Variants in PREX2 observed in about 807,000 individuals in gnomAD.
PREX2 encodes phosphatidylinositol 3,4,5-trisphosphate-dependent Rac exchanger 2 protein.
In PREX2, 107 loss-of-function variants were observed where a neutral mutation model predicts 203.2. The observed-to-expected ratio is 0.53, with a 90% CI of 0.45 to 0.62. PREX2 has a LOEUF of 0.62. Among genes scored for constraint, PREX2 ranks in the 20% least tolerant of loss-of-function variants. The probability of loss-of-function intolerance (pLI) is 0.00; values close to 1 mark genes in which losing one functional copy is unlikely to be tolerated. For missense variants in PREX2, 1,777 were observed against 1,955.9 expected (o/e 0.91, Z 1.72); for synonymous variants, 672 against 663.6 (o/e 1.01, Z -0.19).
At chr8:68,077,861 A>G (rs1426155690) in intron 15 of PREX2, among the ~76,000 whole-genome samples, 1 of 152,220 alleles carries the variant, frequency 6.6e-6, no homozygotes, top group Non-Finnish European at 1.5e-5. Context: ...ATGACAGCAT[A>G]TGTGGTTGAC....
intron 10 of PREX2, among the ~76,000 whole-genome samples, chr8:68,057,741 C>T (rs1044072371): frequency 2.0e-4 from 30 of 152,164 alleles, no homozygotes; most frequent in African/African-American, 7.2e-4. Flanking sequence ...TTATGGCTTC[C>T]CAGTAGGTTT....
intron 17 of PREX2, chr8:68,082,220 CT>C (rs978231086): frequency 6.6e-6 from 1 of 152,128 alleles, no homozygotes; most frequent in African/African-American, 2.4e-5. Flanking sequence ...CTTGGTGCCC[CT>C]GGTTGGAAGA....
At position 68,022,074 on chromosome 8, in the gene PREX2, C is replaced by T; in HGVS notation, c.375C>T (p.Asn125=). 6.4e-7 allele frequency: 1 copy of T among 1,565,676 alleles called. No individual in the cohort carries two copies. The highest frequency in any genetic ancestry group is 2.2e-5 in the East Asian group (1 of 44,620). Residue 125 remains asparagine (N), a synonymous_variant, in exon 4 of 40, where the codon AAC becomes AAT. Coordinates refer to ENST00000288368, the MANE Select transcript of PREX2 (RefSeq NM_024870.4). ...GTATCTATGATGAATATTGTAGTAA[C>T]CATGAGAAGGCACAAAAATTACTTC... ...KFRIYDEYCS[N]HEKAQKLLLE...
At chr8:68,158,095 ATGTGTATATATATG>A (rs1488233207) in intron 35 of PREX2, among the ~76,000 whole-genome samples, 4 of 89,412 alleles carry the variant, frequency 4.5e-5, no homozygotes, top group African/African-American at 9.3e-5. Context: ...TCACATATAT[ATGTGTATATATATG>A]TGTGTATATA....
rs1307078664 is a variant in PREX2 at position 68,109,525 on chromosome 8, A to G, written c.3048A>G (p.Lys1016=). 1 of 1,614,084 alleles carries G rather than the reference A, an allele frequency of 6.2e-7. No individual in the cohort carries two copies. Residue 1016 remains lysine, a synonymous_variant, in exon 25 of 40, where the codon AAA becomes AAG. Coordinates refer to ENST00000288368, the MANE Select transcript of PREX2 (RefSeq NM_024870.4). ...QDGHGLRYLL[K]EEDLETQDIY... ...GCCATGGTCTCAGGTATCTGCTAAA[A>G]GAAGAAGACTTAGAAACCCAAGACA...
chr8:68,039,788 T>C (rs1808140380), intron 7 of PREX2, among the ~76,000 whole-genome samples: 2 of 152,158 alleles, frequency 1.3e-5, no homozygotes, highest in South Asian at 2.1e-4. Flanking sequence ...TGCATCTGCA[T>C]TGAAAACTTA....
intron 19 of PREX2, among the ~76,000 whole-genome samples, chr8:68,089,233 ATT>A (rs4009127): frequency 0.46 from 69,975 of 151,048 alleles, 16,645 homozygotes; most frequent in African/African-American, 0.56. Context: ...TGTCATGGTT[ATT>A]GAATTAGTGT....
rs141170353 is a variant in PREX2, at chr8:68,075,216, G to A, written c.1570-2181G>A. Among the ~76,000 whole-genome samples, 723 of 152,232 alleles carry A rather than the reference G, an allele frequency of 4.7e-3. 5 individuals are homozygous for A. Among genetic ancestry groups the A allele is most frequent in the African/African-American group, 0.017 (694 of 41,540 alleles). On this transcript the variant is annotated intron_variant, in intron 14 of 39. Coordinates refer to ENST00000288368, the MANE Select transcript of PREX2 (RefSeq NM_024870.4). Reference sequence around the variant, plus strand: ...AGCATAGGAAACCCAGAACATGTTAGGCTATGTTTTTTACACCATTATGTT... The same window carrying A: ...AGCATAGGAAACCCAGAACATGTTAAGCTATGTTTTTTACACCATTATGTT...
At chr8:68,188,446 A>T (rs1289322335) in intron 35 of PREX2, among the ~76,000 whole-genome samples, 3 of 152,240 alleles carry the variant, frequency 2.0e-5, no homozygotes, top group African/African-American at 7.2e-5. Flanking sequence ...TCCCCAGAAG[A>T]TTTAATAGAT....
chr8:68,138,461 A>G lies in PREX2; in HGVS notation c.4031A>G (p.Asp1344Gly). The G allele has an allele frequency of 6.2e-7, 1 of 1,606,734 alleles. No homozygotes were observed. Among genetic ancestry groups the G allele is most frequent in the Non-Finnish European group, 8.5e-7 (1 of 1,176,050 alleles). ...MLEDTLVALFDLEKVSFYFKP... is the reference protein window; with the variant it reads ...MLEDTLVALFGLEKVSFYFKP... ...GAAGATACACTGGTTGCACTATTTG[A>G]TTTGGAAAAGGTTTCCTTTTACTTT... is the stretch of plus-strand genomic sequence containing the variant. The change falls in exon 33 of 40, where the codon GAT becomes GGT. Residue 1344 changes from aspartate to glycine, a missense_variant. Transcript: ENST00000288368.
intron 14 of PREX2, among the ~76,000 whole-genome samples, chr8:68,076,685 T>TCA (rs57701553): frequency 0.045 from 6,443 of 143,652 alleles, 176 homozygotes; most frequent in African/African-American, 0.082. Flanking sequence ...AACTCTAAGG[T>TCA]CACACACACA....
chr8:68,120,335 G>T (rs374053636), intron 29 of PREX2, 49 bp downstream of exon 29: 1 of 1,285,248 alleles, frequency 7.8e-7, no homozygotes, highest in Non-Finnish European at 1.1e-6. Context: ...AAAACAAGGT[G>T]GTAGACAATA....
rs1314932114 is a variant in PREX2, at chr8:68,232,746, G to A, written c.*1368G>A. 2 of 152,036 alleles carry A rather than the reference G, an allele frequency of 1.3e-5. No individual in the cohort carries two copies. Among genetic ancestry groups the A allele is most frequent in the Non-Finnish European group, 2.9e-5 (2 of 68,042 alleles). 9.4% of individuals were successfully genotyped at this position (152,036 alleles called of 1,614,324 possible). A position where few individuals can be genotyped will look rare whatever the true frequency, so the allele number is the denominator to read the frequency against. On this transcript the variant is annotated 3_prime_UTR_variant, in exon 40 of 40. Transcript: ENST00000288368. ...CCATTCTCTTGCCTCAGCCTCCCAG[G>A]AGCTGGGACTACAGGTGTGCACCAC...
intron 7 of PREX2, among the ~76,000 whole-genome samples, chr8:68,040,016 G>C (rs1350184585): frequency 1.3e-5 from 2 of 151,924 alleles, no homozygotes; most frequent in Non-Finnish European, 2.9e-5. Context: ...CTAGAATAAA[G>C]TTCTTTTTGT....
intron 35 of PREX2, among the ~76,000 whole-genome samples, chr8:68,183,899 T>G (rs1812136547): frequency 6.6e-6 from 1 of 152,154 alleles, no homozygotes; most frequent in Non-Finnish European, 1.5e-5. Context: ...CTTGTCTTGT[T>G]AATATTCTAG....
At chr8:68,058,114 A>G (rs1033439453) in intron 10 of PREX2, among the ~76,000 whole-genome samples, 1 of 152,194 alleles carries the variant, frequency 6.6e-6, no homozygotes, top group South Asian at 2.1e-4. Flanking sequence ...GTCCGTTAGC[A>G]GAGTGTTGAT....
Position 68,024,134 on chromosome 8 carries a change from A to G in PREX2, c.441+1994A>G, listed in dbSNP as rs866883571. 2.8e-4 allele frequency among the ~76,000 whole-genome samples: 43 copies of G among 152,016 alleles called. 1 individual carries two copies. Among genetic ancestry groups the G allele is most frequent in the Middle Eastern group, 3.4e-3 (1 of 294 alleles). On this transcript the variant is annotated intron_variant, in intron 4 of 39. Transcript: ENST00000288368. The stretch of plus-strand genomic sequence containing the variant: ...TAGATGTTCTTTCTTATGTTTAGTA[A>G]CTTATTATATTTCTAGTTCATATGA...
chr8:68,191,705 T>A lies in PREX2; in HGVS notation c.4347-17T>A. On this transcript the variant is annotated splice_polypyrimidine_tract_variant and intron_variant, in intron 35 of 39. Coordinates refer to ENST00000288368, the MANE Select transcript of PREX2 (RefSeq NM_024870.4). ...TTCCTAACAACAAATGATAATTTAT[T>A]TCTTGGATTCTTACAGGGCATTCTA... 6.4e-7 allele frequency: 1 copy of A among 1,571,572 alleles called. No homozygotes were observed. Among genetic ancestry groups the A allele is most frequent in the Non-Finnish European group, 8.7e-7 (1 of 1,143,178 alleles).
rs560664607 is a variant in PREX2 at position 68,021,931 on chromosome 8, TAAAACGTAGTAAA to T, written c.337-104_337-92del. 66 of 648,148 alleles carry T rather than the reference TAAAACGTAGTAAA, an allele frequency of 1.0e-4. No homozygotes were observed. The African/African-American group carries it at 1.2e-3, about 11-fold the overall frequency. 40.1% of individuals were successfully genotyped at this position (648,148 alleles called of 1,614,324 possible). A position where few individuals can be genotyped will look rare whatever the true frequency, so the allele number is the denominator to read the frequency against. ...AGCTGTATACACGCAGTATAGCTCTTAAAACGTAGTAAACACTCAGTGAAGTTTCTTTAAGCAT... is the reference window on the plus strand; with the variant it reads ...AGCTGTATACACGCAGTATAGCTCTTCACTCAGTGAAGTTTCTTTAAGCAT... On this transcript the variant is annotated intron_variant, in intron 3 of 39. Transcript: ENST00000288368.
Sources: gnomAD v4.1 joint callset for allele counts (sites outside exome capture counted in the v4.1 genomes callset) on GRCh38, gnomAD v4.1.1 for gene constraint, MANE v1.5 for transcripts, NCBI Gene and HGNC (gene_info 2026-07-23, HGNC 2026-07-21) for gene names.